Variants in CTNNA2 observed in about 807,000 individuals in gnomAD.
CTNNA2 encodes the protein catenin alpha 2, also known as catenin alpha-2.
Under a neutral mutation model 101.0 loss-of-function variants are expected in CTNNA2, and 42 were observed. The ratio of observed to expected loss-of-function variants is 0.42; its 90% CI spans 0.32 to 0.54. The LOEUF (loss-of-function observed/expected upper bound fraction) is 0.54, where lower values mean the gene tolerates loss of function less well. CTNNA2 is among the 20% of genes least tolerant of loss of function. CTNNA2 has a pLI of 0.14. For missense variants in CTNNA2, 871 were observed against 1,223.1 expected, an observed-to-expected ratio of 0.71 and a Z score of 4.29; for synonymous variants, 450 against 456.4, an observed-to-expected ratio of 0.99 and a Z score of 0.18.
At chr2:80,185,166 C>T (rs1706039304) in intron 7 of CTNNA2, among the ~76,000 whole-genome samples, 1 of 152,188 alleles carries the variant, frequency 6.6e-6, no homozygotes, top group African/African-American at 2.4e-5. Flanking sequence ...AGAAGATCCA[C>T]TCCAAGTTAA....
At chr2:79,342,731 C>T (rs1172510918) in intron 3 of CTNNA2, among the ~76,000 whole-genome samples, 1 of 152,166 alleles carries the variant, frequency 6.6e-6, no homozygotes, top group Non-Finnish European at 1.5e-5. Context: ...GCATCCCTAC[C>T]TGCAGATCCT....
At chr2:79,596,877 TAAAC>T (rs145420683) in intron 1 of CTNNA2, among the ~76,000 whole-genome samples, 4,130 of 152,232 alleles carry the variant, frequency 0.027, 87 homozygotes, top group Non-Finnish European at 0.042. Flanking sequence ...TTGCAGAAAA[TAAAC>T]AAAGTGATGT....
At chr2:79,367,340 C>A (rs1328341770) in intron 3 of CTNNA2, among the ~76,000 whole-genome samples, 1 of 152,118 alleles carries the variant, frequency 6.6e-6, no homozygotes, top group Admixed American at 6.6e-5. Flanking sequence ...GTAGTCCTAG[C>A]AGACTAAGAT....
intron 3 of CTNNA2, among the ~76,000 whole-genome samples, chr2:79,356,845 A>G (rs984651472): frequency 4.6e-5 from 7 of 152,238 alleles, no homozygotes; most frequent in African/African-American, 1.7e-4. Context: ...ATGGAAGTTA[A>G]AAACCAACAA....
intron 7 of CTNNA2, among the ~76,000 whole-genome samples, chr2:79,971,487 G>A (rs80265289): frequency 0.025 from 3,878 of 152,136 alleles, 132 homozygotes; most frequent in African/African-American, 0.071. Flanking sequence ...TTATCCTAAG[G>A]CAGGTGCTAT....
chr2:79,236,992 G>A (rs1400870954), intron 2 of CTNNA2, among the ~76,000 whole-genome samples: 1 of 152,190 alleles, frequency 6.6e-6, no homozygotes, highest in African/African-American at 2.4e-5. Flanking sequence ...ATTGGAGCAT[G>A]ACTGAAAAAT....
At chr2:79,479,509 G>A (rs1671085926) in intron 4 of CTNNA2, among the ~76,000 whole-genome samples, 2 of 152,196 alleles carry the variant, frequency 1.3e-5, no homozygotes, top group South Asian at 2.1e-4. Flanking sequence ...TTACTTGGAT[G>A]TAGAATACTA....
intron 2 of CTNNA2, among the ~76,000 whole-genome samples, chr2:79,741,656 T>C (rs1282345010): frequency 6.6e-6 from 1 of 152,208 alleles, no homozygotes; most frequent in African/African-American, 2.4e-5. Context: ...ATTTCTCCTT[T>C]GTTACTGCTC....
At chr2:79,447,209 C>T (rs1291378600) in intron 4 of CTNNA2, among the ~76,000 whole-genome samples, 1 of 151,886 alleles carries the variant, frequency 6.6e-6, no homozygotes, top group African/African-American at 2.4e-5. Context: ...TGTTTTTCTC[C>T]TAGGAAGAAT....
chr2:80,634,943 T>C (rs2149839129), intron 18 of CTNNA2, among the ~76,000 whole-genome samples: 1 of 151,380 alleles, frequency 6.6e-6, no homozygotes, highest in South Asian at 2.1e-4. Flanking sequence ...AAGGGTGGAG[T>C]TAATCATAGA....
intron 2 of CTNNA2, among the ~76,000 whole-genome samples, chr2:79,201,166 G>A (rs71337753): frequency 1.3e-5 from 2 of 151,792 alleles, no homozygotes; most frequent in South Asian, 2.1e-4. Flanking sequence ...TTCAGATTTC[G>A]TCAAGTCAGA....
intron 7 of CTNNA2, among the ~76,000 whole-genome samples, chr2:80,136,242 A>G (rs183007400): frequency 2.0e-5 from 3 of 152,260 alleles, no homozygotes; most frequent in East Asian, 3.9e-4. Context: ...AGAGCATTGT[A>G]TCATTGTCCA....
At chr2:80,525,267 C>T (rs13013825) in intron 9 of CTNNA2, among the ~76,000 whole-genome samples, 36,122 of 151,428 alleles carry the variant, frequency 0.24, 4,427 homozygotes, top group Middle Eastern at 0.34. Context: ...GGACCCCTCT[C>T]CTGCCTGGTT....
chr2:80,538,741 G>GT (rs1445179032), intron 9 of CTNNA2, among the ~76,000 whole-genome samples: 8 of 152,178 alleles, frequency 5.3e-5, no homozygotes, highest in Non-Finnish European at 1.0e-4. Flanking sequence ...ATTTAAAGTA[G>GT]TTTTTTCTAA....
At chr2:79,324,922 A>G (rs1415330372) in intron 3 of CTNNA2, among the ~76,000 whole-genome samples, 1 of 152,156 alleles carries the variant, frequency 6.6e-6, no homozygotes, top group African/African-American at 2.4e-5. Flanking sequence ...AGTGCCTCCA[A>G]ATAAAGAAAT....
chr2:80,532,858 C>A (rs894410522), intron 9 of CTNNA2, among the ~76,000 whole-genome samples: 1 of 152,000 alleles, frequency 6.6e-6, no homozygotes, highest in Non-Finnish European at 1.5e-5. Flanking sequence ...CAATTAGCAT[C>A]TTTTTCTAGG....
intron 8 of CTNNA2, among the ~76,000 whole-genome samples, chr2:80,400,123 T>G (rs1271289658): frequency 1.3e-5 from 2 of 152,212 alleles, no homozygotes; most frequent in African/African-American, 2.4e-5. Context: ...TCGCCTTGAT[T>G]CTGACTGAAT....
intron 7 of CTNNA2, among the ~76,000 whole-genome samples, chr2:79,935,602 C>G (rs554323625): frequency 1.3e-5 from 2 of 152,102 alleles, no homozygotes; most frequent in South Asian, 4.1e-4. Context: ...TAGTGAAATT[C>G]TACATTTCAA....
intron 7 of CTNNA2, among the ~76,000 whole-genome samples, chr2:80,310,046 A>G (rs1396520779): frequency 6.6e-6 from 1 of 152,124 alleles, no homozygotes; most frequent in African/African-American, 2.4e-5. Context: ...GCATTTAACC[A>G]TTAGCCCCAG....
Sources: allele counts gnomAD v4.1 joint callset (sites outside exome capture counted in the v4.1 genomes callset), GRCh38; gene constraint gnomAD v4.1.1; transcripts MANE v1.5; gene names NCBI Gene and HGNC (gene_info 2026-07-23, HGNC 2026-07-21).